The following LUZP1 variants were observed in gnomAD, a reference collection of about 807,000 sequenced individuals.
LUZP1 encodes filamin mechanobinding actin cross-linking protein.
A neutral mutation model predicts 71.3 loss-of-function variants in LUZP1; 25 were observed. The observed-to-expected ratio is 0.35, with a 90% CI of 0.26 to 0.49. The LOEUF is 0.49. Among genes scored for constraint, LUZP1 ranks in the 20% least tolerant of loss-of-function variants. LUZP1 has a pLI of 0.99. For synonymous variants in LUZP1, 481 were observed against 506.4 expected, an observed-to-expected ratio of 0.95 and a Z score of 0.67; for missense variants, 1,142 against 1,300.8, an observed-to-expected ratio of 0.88 and a Z score of 1.88.
At chr1:23,139,952 GAAAA>G (rs562378628) in intron 2 of LUZP1, among the ~76,000 whole-genome samples, 3 of 131,756 alleles carry the variant, frequency 2.3e-5, no homozygotes, top group Admixed American at 2.2e-4. Flanking sequence ...TCTGTCTCAA[GAAAA>G]AAAAAAAAAA....
chr1:23,116,770 T>C lies in LUZP1; in HGVS notation c.-225-7643A>G, dbSNP rs569589396. On this transcript the variant is annotated intron_variant, in intron 2 of 4. Transcript: ENST00000302291. ...TGTCACATGTACGAGCTGCAAGTCT[T>C]AGGAGGTGCAAGTCACCCAAAGGTT... Among the ~76,000 whole-genome samples the C allele has an allele frequency of 3.9e-5, 6 of 152,310 alleles. No individual in the cohort carries two copies. The East Asian group carries it at 1.2e-3, about 29-fold the overall frequency.
chr1:23,139,559 G>A (rs940194286), intron 2 of LUZP1, among the ~76,000 whole-genome samples: 2 of 151,998 alleles, frequency 1.3e-5, no homozygotes, highest in Admixed American at 1.3e-4. Flanking sequence ...TCCACTTAAT[G>A]GATAGTAAAT....
chr1:23,123,587 T>C (rs940723276), intron 2 of LUZP1, among the ~76,000 whole-genome samples: 5 of 151,332 alleles, frequency 3.3e-5, no homozygotes, highest in African/African-American at 9.7e-5. Context: ...GCCAAATAAA[T>C]CAAGATTGAA....
chr1:23,114,195 G>A (rs1423086305), intron 2 of LUZP1, among the ~76,000 whole-genome samples: 1 of 152,152 alleles, frequency 6.6e-6, no homozygotes, highest in Admixed American at 6.5e-5. Flanking sequence ...AGAAAAATTG[G>A]TATCAGAGAG....
At chr1:23,150,311 G>A (rs756732164) in intron 2 of LUZP1, among the ~76,000 whole-genome samples, 1 of 152,080 alleles carries the variant, frequency 6.6e-6, no homozygotes, top group Non-Finnish European at 1.5e-5. Context: ...CAGAAGCTGT[G>A]CAAAAATGGC....
chr1:23,101,495 T>C (rs1473985761), intron 3 of LUZP1, among the ~76,000 whole-genome samples: 2 of 152,222 alleles, frequency 1.3e-5, no homozygotes, highest in African/African-American at 4.8e-5. Flanking sequence ...TTCTCTATGC[T>C]TTAGTTCCTC....
intron 2 of LUZP1, among the ~76,000 whole-genome samples, chr1:23,143,386 T>C (rs1644320086): frequency 6.6e-6 from 1 of 152,206 alleles, no homozygotes; most frequent in Non-Finnish European, 1.5e-5. Context: ...TTTTCAGATA[T>C]ACTAAGGAAA....
At chr1:23,140,119 C>G (rs1644290911) in intron 2 of LUZP1, among the ~76,000 whole-genome samples, 1 of 151,946 alleles carries the variant, frequency 6.6e-6, no homozygotes, top group South Asian at 2.1e-4. Flanking sequence ...GTGTTTCCTC[C>G]AGGAGTCCAA....
intron 2 of LUZP1, among the ~76,000 whole-genome samples, chr1:23,148,842 T>TG (rs1644361788): frequency 6.6e-6 from 1 of 151,602 alleles, no homozygotes; most frequent in Non-Finnish European, 1.5e-5. Context: ...CCCAATGCTT[T>TG]GGGAAGCCAC....
chr1:23,113,445 A>C (rs968325055), intron 2 of LUZP1, among the ~76,000 whole-genome samples: 1 of 152,094 alleles, frequency 6.6e-6, no homozygotes, highest in Non-Finnish European at 1.5e-5. Context: ...CAAACAAAAA[A>C]CACCTAGAAA....
intron 2 of LUZP1, among the ~76,000 whole-genome samples, chr1:23,131,637 C>T (rs1188825815): frequency 6.6e-6 from 1 of 152,144 alleles, no homozygotes; most frequent in East Asian, 1.9e-4. Flanking sequence ...TAGTTCTCCT[C>T]AGGAGCAAGA....
At chr1:23,107,763 C>T (rs1388116730) in intron 3 of LUZP1, among the ~76,000 whole-genome samples, 2 of 152,160 alleles carry the variant, frequency 1.3e-5, no homozygotes, top group Non-Finnish European at 2.9e-5. Flanking sequence ...GAGCCAAGAT[C>T]GCACCAGTGC....
At position 23,102,693 on chromosome 1, in the gene LUZP1, C is replaced by T. The variant is rs545684882; in HGVS notation, c.-120+6329G>A. Among the ~76,000 whole-genome samples the T allele has an allele frequency of 8.5e-5, 13 of 152,202 alleles. No homozygotes were observed. The Middle Eastern group carries it at 0.01, about 119-fold the overall frequency. On this transcript the variant is annotated intron_variant, in intron 3 of 4. Coordinates refer to ENST00000302291, the Ensembl canonical transcript of LUZP1. Reference sequence around the variant, plus strand: ...ACAGGCAGTGGGCAGGGCATGGTAGCTCATGCCTGTAATCCCAGCACTTTG... The same window carrying T: ...ACAGGCAGTGGGCAGGGCATGGTAGTTCATGCCTGTAATCCCAGCACTTTG...
At chr1:23,083,695 C>T (rs1261885138), downstream of LUZP1, 2 of 184,082 alleles carry the variant, frequency 1.1e-5, no homozygotes, top group Non-Finnish European at 1.1e-5. Flanking sequence ...AATTGGCCCT[C>T]TCTTTTGTTC....
At position 23,094,349 on chromosome 1, in the gene LUZP1, A is replaced by G; in HGVS notation, c.-88T>C. The G allele has an allele frequency of 2.0e-6, 3 of 1,501,562 alleles. No individual in the cohort carries two copies. The highest frequency in any genetic ancestry group is 1.4e-5 in the South Asian group (1 of 70,982). The allele number at this position is 1,501,562 out of a possible 1,614,324, so 93.0% of individuals were successfully genotyped here. A position where few individuals can be genotyped will look rare whatever the true frequency, so the allele number is the denominator to read the frequency against. On this transcript the variant is annotated 5_prime_UTR_variant, in exon 4 of 5. Transcript: ENST00000302291. The surrounding 1 kb of genome is among the most constrained non-coding windows in gnomAD (Gnocchi z 4.7). ...GGTTACCTTTCTCTTGGCAACCACAATCTTCTTTGACAGCTGGAGACCATC... is the reference window on the plus strand; with the variant it reads ...GGTTACCTTTCTCTTGGCAACCACAGTCTTCTTTGACAGCTGGAGACCATC...
At chr1:23,176,824 C>G (rs1294184732) in intron 1 of LUZP1, among the ~76,000 whole-genome samples, 1 of 152,166 alleles carries the variant, frequency 6.6e-6, no homozygotes, top group Non-Finnish European at 1.5e-5. Context: ...GAACCTCAAC[C>G]TCTCATGAAG....
chr1:23,163,037 C>G (rs958825334), intron 2 of LUZP1, among the ~76,000 whole-genome samples: 1 of 151,810 alleles, frequency 6.6e-6, no homozygotes, highest in Non-Finnish European at 1.5e-5. Flanking sequence ...GTCAGCAGCT[C>G]GAGACCAGCC....
intron 2 of LUZP1, among the ~76,000 whole-genome samples, chr1:23,154,968 A>G (rs1031472134): frequency 2.0e-5 from 3 of 152,086 alleles, no homozygotes; most frequent in African/African-American, 7.2e-5. Flanking sequence ...AAACTGCCCT[A>G]GGATCTAGTC....
chr1:23,127,896 G>A (rs950615224), intron 2 of LUZP1, among the ~76,000 whole-genome samples: 1 of 151,342 alleles, frequency 6.6e-6, no homozygotes, highest in African/African-American at 2.4e-5. Context: ...ACTTTGGGAG[G>A]CCGAGGCAGG....
Sources: gnomAD v4.1 joint callset for allele counts (sites outside exome capture counted in the v4.1 genomes callset) on GRCh38, gnomAD v4.1.1 for gene constraint, Gnocchi (gnomAD v3.1) non-coding constraint, MANE v1.5 for transcripts, NCBI Gene and HGNC (gene_info 2026-07-23, HGNC 2026-07-21) for gene names.